ETS1: variants seen among roughly 807,000 people sequenced by gnomAD.
The protein encoded by ETS1 is ETS proto-oncogene 1, transcription factor, also known as protein C-ets-1.
A neutral mutation model predicts 58.6 loss-of-function variants in ETS1; 15 were observed. That is an observed-to-expected ratio of 0.26 (90% CI 0.17 to 0.39). The LOEUF is 0.39. ETS1 is among the 10% of genes least tolerant of loss of function. ETS1 has a pLI of 1.00. For synonymous variants in ETS1, 214 were observed against 218.2 expected (o/e 0.98, Z 0.17); for missense variants, 417 against 610.5 (o/e 0.68, Z 3.34).
In ETS1 at chr11:128,462,260, TG is replaced by T; in HGVS notation, c.*100del. On this transcript the variant is annotated 3_prime_UTR_variant, in exon 10 of 10. Transcript: ENST00000392668. ...ACCCCTGAAGGTAAAAAATGAGTTC[TG>T]GAAAATAAAAAATAGAATAACAATT... 2 of 959,384 alleles carry T rather than the reference TG, an allele frequency of 2.1e-6. No homozygotes were observed. The highest frequency in any genetic ancestry group is 1.6e-6 in the Non-Finnish European group (1 of 635,214). The allele number at this position is 959,384 out of a possible 1,614,324, so 59.4% of individuals were successfully genotyped here.
chr11:128,585,020 G>GGA (rs1555092967), intron 1 of ETS1, among the ~76,000 whole-genome samples: 1 of 15,922 alleles, frequency 6.3e-5, no homozygotes, highest in African/African-American at 2.3e-4. Context: ...AGGAAAGAAA[G>GGA]AAGAAAGAAA....
intron 3 of ETS1, among the ~76,000 whole-genome samples, chr11:128,525,114 GA>G (rs1863775047): frequency 6.6e-6 from 1 of 152,058 alleles, no homozygotes; most frequent in African/African-American, 2.4e-5. Context: ...GGAAAAAACA[GA>G]ATTGTATTTT....
At chr11:128,551,609 C>CCA (rs1301658164) in intron 3 of ETS1, among the ~76,000 whole-genome samples, 1 of 151,874 alleles carries the variant, frequency 6.6e-6, no homozygotes, top group Non-Finnish European at 1.5e-5. Context: ...AAATGTACAC[C>CCA]CACACACACA....
chr11:128,552,828 C>T (rs952619785), intron 3 of ETS1, among the ~76,000 whole-genome samples: 3 of 152,156 alleles, frequency 2.0e-5, no homozygotes, highest in African/African-American at 4.8e-5. Context: ...GGCTCGCTAC[C>T]GTTACCCTGT....
intron 3 of ETS1, among the ~76,000 whole-genome samples, chr11:128,527,853 T>C (rs1024439431): frequency 6.6e-6 from 1 of 152,232 alleles, no homozygotes; most frequent in Non-Finnish European, 1.5e-5. Context: ...TCTGCAGTTG[T>C]GGTTTGAATC....
chr11:128,476,919 C>T lies in ETS1; in HGVS notation c.1123+3272G>A, dbSNP rs958514234. Among the ~76,000 whole-genome samples, 9 of 152,198 alleles carry T rather than the reference C, an allele frequency of 5.9e-5. No homozygotes were observed. The South Asian group carries it at 1.0e-3, about 17-fold the overall frequency. ...GCTTTCAAGCCACGTTATCTGCCCC[C>T]GCATCTTGACCTCATTTAACAAGTT... On this transcript the variant is annotated intron_variant, in intron 8 of 9. Coordinates refer to ENST00000392668, the MANE Select transcript of ETS1 (RefSeq NM_001143820.2).
At chr11:128,581,894 T>G (rs1864878115) in intron 1 of ETS1, among the ~76,000 whole-genome samples, 1 of 152,174 alleles carries the variant, frequency 6.6e-6, no homozygotes, top group African/African-American at 2.4e-5. Flanking sequence ...GAGAGGGGAC[T>G]GGATAGTTGC....
rs1862765526 is a variant in ETS1, at chr11:128,490,464, G to A, written c.327C>T (p.Ile109=). 1.2e-6 allele frequency: 2 copies of A among 1,614,036 alleles called. No homozygotes were observed. Among genetic ancestry groups the A allele is most frequent in the African/African-American group, 1.3e-5 (1 of 75,032 alleles). Residue 109 remains isoleucine, a synonymous_variant, in exon 4 of 10, where the codon ATC becomes ATT. Coordinates refer to ENST00000392668, the MANE Select transcript of ETS1 (RefSeq NM_001143820.2). ...CCAACTACAAAACCATACCTTTTGG[G>A]ATCCCCAGTCGTTGCTGTTCTTTAG... is the stretch of plus-strand genomic sequence containing the variant. ...GFTKEQQRLG[I]PKDPRQWTET...
chr11:128,476,540 G>A (rs1862327833), intron 8 of ETS1, among the ~76,000 whole-genome samples: 2 of 152,234 alleles, frequency 1.3e-5, no homozygotes, highest in Admixed American at 1.3e-4. Flanking sequence ...CATCATCTAT[G>A]AAATGGGACT....
intron 2 of ETS1, among the ~76,000 whole-genome samples, chr11:128,571,500 T>TCCAGC (rs1565414945): frequency 8.3e-5 from 3 of 36,140 alleles, no homozygotes; most frequent in African/African-American, 3.7e-4. Flanking sequence ...CAAGACTCCG[T>TCCAGC]CAAAAAAAAA....
At chr11:128,586,448 G>T (rs1168573682) in intron 1 of ETS1, among the ~76,000 whole-genome samples, 1 of 152,070 alleles carries the variant, frequency 6.6e-6, no homozygotes, top group African/African-American at 2.4e-5. Context: ...ATAAAAATAG[G>T]CCACCAAACC....
intron 2 of ETS1, among the ~76,000 whole-genome samples, chr11:128,570,452 G>A (rs1433537645): frequency 6.6e-6 from 1 of 151,850 alleles, no homozygotes; most frequent in Non-Finnish European, 1.5e-5. Context: ...ATGTTGGCCA[G>A]GCTGGTCTCA....
chr11:128,485,154 A>C lies in ETS1; in HGVS notation c.614-83T>G, dbSNP rs2135451255. 6 of 1,235,798 alleles carry C rather than the reference A, an allele frequency of 4.9e-6. No homozygotes were observed. The East Asian group carries it at 1.4e-4, about 29-fold the overall frequency. The allele number at this position is 1,235,798 out of a possible 1,614,324, so 76.6% of individuals were successfully genotyped here. A position where few individuals can be genotyped will look rare whatever the true frequency, so the allele number is the denominator to read the frequency against. On this transcript the variant is annotated intron_variant, in intron 6 of 9. Coordinates refer to ENST00000392668, the MANE Select transcript of ETS1 (RefSeq NM_001143820.2). ...TTTTCACCATCTACAGGGCCCTATG[A>C]TGTGGGACAAGCTCCTTAGAGAATA...
intron 5 of ETS1, among the ~76,000 whole-genome samples, chr11:128,487,488 C>A (rs1250338936): frequency 1.3e-5 from 2 of 152,134 alleles, no homozygotes; most frequent in Non-Finnish European, 2.9e-5. Context: ...CGCCTGTAAT[C>A]CCAGTGTTTT....
At chr11:128,578,228 GA>G (rs1184449567) in intron 1 of ETS1, among the ~76,000 whole-genome samples, 1 of 152,130 alleles carries the variant, frequency 6.6e-6, no homozygotes, top group African/African-American at 2.4e-5. Context: ...GGCAGGTTGA[GA>G]GACACAGAAT....
Position 128,463,420 on chromosome 11 carries a change from G to A in ETS1, c.1242+89C>T. On this transcript the variant is annotated intron_variant, in intron 9 of 9. Transcript: ENST00000392668. The surrounding 1 kb of genome is among the most constrained non-coding windows in gnomAD (Gnocchi z 4.1). ...GGCAGAGCTGGGAATCCCAATCCTGGAACACGTCATTCAGGCCCACGCCAC... is the reference window on the plus strand; with the variant it reads ...GGCAGAGCTGGGAATCCCAATCCTGAAACACGTCATTCAGGCCCACGCCAC... 2 of 776,804 alleles carry A rather than the reference G, an allele frequency of 2.6e-6. 1 individual carries two copies. Among genetic ancestry groups the A allele is most frequent in the South Asian group, 3.1e-5 (2 of 64,688 alleles). 48.1% of individuals were successfully genotyped at this position (776,804 alleles called of 1,614,324 possible).
At chr11:128,493,031 A>T (rs1862844759) in intron 3 of ETS1, among the ~76,000 whole-genome samples, 1 of 152,146 alleles carries the variant, frequency 6.6e-6, no homozygotes, top group Non-Finnish European at 1.5e-5. Context: ...TCCCTCCATT[A>T]GATTTATGAC....
chr11:128,571,926 C>T (rs1864643360), intron 2 of ETS1: 1 of 151,958 alleles, frequency 6.6e-6, no homozygotes, highest in Admixed American at 6.6e-5. Flanking sequence ...CACCTGTAAT[C>T]CCAGCCACTC....
chr11:128,470,055 A>G (rs987679125), intron 8 of ETS1, among the ~76,000 whole-genome samples: 1 of 152,258 alleles, frequency 6.6e-6, no homozygotes, highest in South Asian at 2.1e-4. Flanking sequence ...GTGTTTGGAA[A>G]GCATACTTGC....
Sources: allele counts gnomAD v4.1 joint callset (sites outside exome capture counted in the v4.1 genomes callset), GRCh38; gene constraint gnomAD v4.1.1; non-coding constraint Gnocchi (gnomAD v3.1); transcripts MANE v1.5; gene names NCBI Gene and HGNC (gene_info 2026-07-23, HGNC 2026-07-21).